Variants in GARIN5A observed in about 807,000 individuals in gnomAD.
GARIN5A encodes golgi associated RAB2 interactor 5A, also known as Golgi-associated RAB2 interactor protein 5A.
the GARIN5A span, chr19:50,475,253 G>A: frequency 6.6e-7 from 1 of 1,505,860 alleles, no homozygotes; most frequent in Non-Finnish European, 8.9e-7. Flanking sequence ...TGGACGAGGG[G>A]AGGTACTGCT....
chr19:50,473,020 A>G, the GARIN5A span, among the ~76,000 whole-genome samples: 1 of 152,164 alleles, frequency 6.6e-6, no homozygotes, highest in Non-Finnish European at 1.5e-5. Context: ...CCACCTCTAC[A>G]ACACATAAAC....
chr19:50,472,941 G>C, the GARIN5A span, among the ~76,000 whole-genome samples: 1 of 152,048 alleles, frequency 6.6e-6, no homozygotes, highest in East Asian at 1.9e-4. Context: ...CTAGTGCTTT[G>C]GGAGGCTGAG....
At chr19:50,467,687 C>T in the GARIN5A span, 5 of 1,591,070 alleles carry the variant, frequency 3.1e-6, no homozygotes, top group Admixed American at 1.8e-5. Context: ...AGCAGCCGCA[C>T]CCACTGGCCG....
chr19:50,468,720 C>G, the GARIN5A span, among the ~76,000 whole-genome samples: 2 of 152,110 alleles, frequency 1.3e-5, no homozygotes, highest in Non-Finnish European at 2.9e-5. Flanking sequence ...CCTCTTGCCT[C>G]GGCCTCCAGA....
chr19:50,476,511 A>G, the GARIN5A span: 1 of 1,570,334 alleles, frequency 6.4e-7, no homozygotes, highest in African/African-American at 1.4e-5. Context: ...CTCTTGGCTC[A>G]CAGCCGTCCC....
the GARIN5A span, among the ~76,000 whole-genome samples, chr19:50,472,741 A>G: frequency 6.6e-6 from 1 of 152,102 alleles, no homozygotes; most frequent in Admixed American, 6.5e-5. Flanking sequence ...AAAAAAATAC[A>G]AAAATTAGCC....
chr19:50,476,440 G>A, the GARIN5A span: 22 of 1,552,682 alleles, frequency 1.4e-5, no homozygotes, highest in East Asian at 4.8e-4. Flanking sequence ...GCAGGTGCCG[G>A]GGCCCAGCGC....
At chr19:50,472,501 G>A in the GARIN5A span, among the ~76,000 whole-genome samples, 2 of 152,096 alleles carry the variant, frequency 1.3e-5, no homozygotes, top group Non-Finnish European at 2.9e-5. Flanking sequence ...GAGCTTATGA[G>A]AGGGTCATAG....
chr19:50,476,826 C>A, the GARIN5A span: 1 of 532,460 alleles, frequency 1.9e-6, no homozygotes, highest in South Asian at 2.5e-5. Context: ...GGGGCCTCGC[C>A]AGTGCACCGG....
chr19:50,472,263 G>A, the GARIN5A span, among the ~76,000 whole-genome samples: 16 of 109,058 alleles, frequency 1.5e-4, no homozygotes, highest in South Asian at 2.7e-4. Context: ...ATGTATGTGT[G>A]TATATATGTA....
the GARIN5A span, among the ~76,000 whole-genome samples, chr19:50,472,482 G>T: frequency 1.0e-3 from 156 of 152,126 alleles, 1 homozygote; most frequent in East Asian, 0.012. Flanking sequence ...GGGTTTTAGG[G>T]TGCCAAAGGA....
At chr19:50,471,906 ATG>A in the GARIN5A span, among the ~76,000 whole-genome samples, 15 of 142,860 alleles carry the variant, frequency 1.0e-4, no homozygotes, top group South Asian at 2.2e-4. Context: ...GCATACATGT[ATG>A]TGTGTATATG....
At chr19:50,475,397 G>A in the GARIN5A span, 1 of 1,611,140 alleles carries the variant, frequency 6.2e-7, no homozygotes, top group Non-Finnish European at 8.5e-7. Context: ...CTCCAGGGCT[G>A]GACTGGAGGC....
the GARIN5A span, among the ~76,000 whole-genome samples, chr19:50,472,684 C>A: frequency 6.6e-6 from 1 of 152,088 alleles, no homozygotes. Flanking sequence ...TGCTTGAGCC[C>A]AGGAGTTCGA....
the GARIN5A span, among the ~76,000 whole-genome samples, chr19:50,471,172 C>T: frequency 2.0e-5 from 3 of 151,966 alleles, no homozygotes; most frequent in South Asian, 6.2e-4. Context: ...ACTATGTTGC[C>T]CAGGCTGGTC....
At chr19:50,476,388 T>G in the GARIN5A span, 1 of 1,555,652 alleles carries the variant, frequency 6.4e-7, no homozygotes, top group Non-Finnish European at 8.7e-7. Context: ...GGCGGCCCCA[T>G]CCTGCTGACG....
At chr19:50,467,425 GGA>G in the GARIN5A span, 1 of 629,584 alleles carries the variant, frequency 1.6e-6, no homozygotes, top group Non-Finnish European at 2.7e-6. Context: ...CAGGAGTCCA[GGA>G]CCCCAGCCCT....
chr19:50,476,284 A>C, the GARIN5A span: 17 of 1,605,686 alleles, frequency 1.1e-5, no homozygotes, highest in African/African-American at 1.6e-4. Context: ...TGACGTCATG[A>C]TGCGGAGCGG....
the GARIN5A span, chr19:50,467,546 C>T: frequency 2.6e-6 from 4 of 1,510,424 alleles, no homozygotes; most frequent in Admixed American, 2.0e-5. Flanking sequence ...CGCTTCCCCC[C>T]TCTCCTCACC....
Sources: allele counts gnomAD v4.1 joint callset (sites outside exome capture counted in the v4.1 genomes callset), GRCh38; gene constraint gnomAD v4.1.1; transcripts MANE v1.5; gene names NCBI Gene and HGNC (gene_info 2026-07-23, HGNC 2026-07-21).